Variants in SUPT3H observed in about 807,000 individuals in gnomAD.
SUPT3H encodes transcription initiation protein SPT3 homolog.
A neutral mutation model predicts 44.3 loss-of-function variants in SUPT3H; 44 were observed. That is an observed-to-expected ratio of 0.99 (90% CI 0.78 to 1.28). The LOEUF (loss-of-function observed/expected upper bound fraction) is 1.28. Ranked by LOEUF, SUPT3H falls within the 50% of genes most tolerant of loss-of-function variation. The pLI is 0.00. For synonymous variants in SUPT3H, 124 were observed against 125.6 expected, an observed-to-expected ratio of 0.99 and a Z score of 0.09; for missense variants, 380 against 387.1, an observed-to-expected ratio of 0.98 and a Z score of 0.15.
chr6:44,928,068 A>T (rs1316974407), intron 10 of SUPT3H, among the ~76,000 whole-genome samples: 1 of 152,168 alleles, frequency 6.6e-6, no homozygotes, highest in African/African-American at 2.4e-5. Flanking sequence ...CACTTTAGGG[A>T]TGAGGAAACA....
intron 2 of SUPT3H, among the ~76,000 whole-genome samples, chr6:45,145,624 C>CA (rs1218833150): frequency 2.6e-5 from 4 of 151,680 alleles, no homozygotes; most frequent in South Asian, 2.1e-4. Context: ...AGTTAATGAC[C>CA]AAAAACCCAA....
At chr6:45,244,370 T>C (rs1770966367) in intron 2 of SUPT3H, among the ~76,000 whole-genome samples, 1 of 152,176 alleles carries the variant, frequency 6.6e-6, no homozygotes, top group South Asian at 2.1e-4. Context: ...CACACCTTAT[T>C]TATATCCTTA....
At chr6:45,305,821 C>G (rs1284559484) in intron 2 of SUPT3H, among the ~76,000 whole-genome samples, 3 of 152,224 alleles carry the variant, frequency 2.0e-5, no homozygotes, top group Admixed American at 1.3e-4. Flanking sequence ...TGTGGCTGCA[C>G]TGGGCCCACA....
intron 3 of SUPT3H, among the ~76,000 whole-genome samples, chr6:45,048,377 T>C (rs1049827811): frequency 6.6e-6 from 1 of 152,098 alleles, no homozygotes; most frequent in African/African-American, 2.4e-5. Context: ...TGTTTTCTTC[T>C]AGTAGTTTTA....
At chr6:45,005,666 A>T (rs1042478532) in intron 5 of SUPT3H, among the ~76,000 whole-genome samples, 1 of 147,012 alleles carries the variant, frequency 6.8e-6, no homozygotes, top group Non-Finnish European at 1.5e-5. Context: ...GCTCCATTGC[A>T]CTCCAGCCTG....
chr6:45,224,059 G>GA (rs1562730455), intron 2 of SUPT3H, among the ~76,000 whole-genome samples: 1 of 148,062 alleles, frequency 6.8e-6, no homozygotes, highest in Non-Finnish European at 1.5e-5. Flanking sequence ...CAAATCATTT[G>GA]AAAAAAAATT....
chr6:45,172,229 C>A (rs753013362), intron 2 of SUPT3H, among the ~76,000 whole-genome samples: 1 of 151,822 alleles, frequency 6.6e-6, no homozygotes, highest in Non-Finnish European at 1.5e-5. Context: ...CACGCTACCA[C>A]GCCCAGCTAA....
chr6:45,230,127 T>C (rs1175447600), intron 2 of SUPT3H, among the ~76,000 whole-genome samples: 1 of 152,204 alleles, frequency 6.6e-6, no homozygotes, highest in Non-Finnish European at 1.5e-5. Flanking sequence ...CTGAACACAA[T>C]GACCTCCAGT....
At chr6:44,862,971 G>C (rs1452422186) in intron 10 of SUPT3H, among the ~76,000 whole-genome samples, 1 of 152,112 alleles carries the variant, frequency 6.6e-6, no homozygotes, top group Non-Finnish European at 1.5e-5. Context: ...GTTAAGAAAG[G>C]AGTCTCCACA....
intron 2 of SUPT3H, among the ~76,000 whole-genome samples, chr6:45,303,866 G>A (rs767158080): frequency 3.3e-5 from 5 of 151,332 alleles, no homozygotes; most frequent in South Asian, 2.1e-4. Flanking sequence ...AGTGGTGCGC[G>A]CCTGTAGTCC....
chr6:44,890,060 T>C (rs1763030271), intron 10 of SUPT3H, among the ~76,000 whole-genome samples: 1 of 151,384 alleles, frequency 6.6e-6, no homozygotes, highest in Admixed American at 6.6e-5. Context: ...CACAATGAGA[T>C]ACCATCTCAC....
At chr6:45,359,106 C>G (rs1581883316) in intron 2 of SUPT3H, among the ~76,000 whole-genome samples, 1 of 152,096 alleles carries the variant, frequency 6.6e-6, no homozygotes, top group East Asian at 1.9e-4. Flanking sequence ...TAATCCTAAA[C>G]TGAAAGTTCT....
chr6:45,130,109 C>T (rs1488462633), intron 2 of SUPT3H, among the ~76,000 whole-genome samples: 1 of 152,122 alleles, frequency 6.6e-6, no homozygotes, highest in African/African-American at 2.4e-5. Flanking sequence ...GAAACCATCA[C>T]ATTAATCTAA....
chr6:45,243,197 C>CAA (rs61643038), intron 2 of SUPT3H, among the ~76,000 whole-genome samples: 2,364 of 72,402 alleles, frequency 0.033, 339 homozygotes, highest in South Asian at 0.066. Flanking sequence ...GACTCCTTCT[C>CAA]AAAAAAAAAA....
chr6:45,261,407 G>T (rs1774338256), intron 2 of SUPT3H, among the ~76,000 whole-genome samples: 1 of 151,860 alleles, frequency 6.6e-6, no homozygotes, highest in Non-Finnish European at 1.5e-5. Context: ...GTGATGCAAG[G>T]TTGGGTCAAC....
intron 2 of SUPT3H, among the ~76,000 whole-genome samples, chr6:45,235,844 T>A (rs1769000663): frequency 6.6e-6 from 1 of 152,150 alleles, no homozygotes; most frequent in Non-Finnish European, 1.5e-5. Context: ...TGCTGAAGGT[T>A]GTGGGTTTAC....
chr6:45,267,572 T>C (rs1353392646), intron 2 of SUPT3H, among the ~76,000 whole-genome samples: 1 of 152,246 alleles, frequency 6.6e-6, no homozygotes, highest in Non-Finnish European at 1.5e-5. Context: ...TTCAATTTCT[T>C]AGTGTTATTC....
intron 10 of SUPT3H, among the ~76,000 whole-genome samples, chr6:44,836,651 C>A (rs982616753): frequency 6.6e-6 from 1 of 152,150 alleles, no homozygotes. Context: ...ATACAAAAAT[C>A]TCTAGATTAA....
At chr6:44,973,332 A>G (rs1402568374) in intron 6 of SUPT3H, among the ~76,000 whole-genome samples, 1 of 152,206 alleles carries the variant, frequency 6.6e-6, no homozygotes, top group East Asian at 1.9e-4. Flanking sequence ...AAACACAGCA[A>G]GAGTCACCAT....
Sources: gnomAD v4.1 joint callset for allele counts (sites outside exome capture counted in the v4.1 genomes callset) on GRCh38, gnomAD v4.1.1 for gene constraint, MANE v1.5 for transcripts, NCBI Gene and HGNC (gene_info 2026-07-23, HGNC 2026-07-21) for gene names.